Variants in EPHA5 observed in about 807,000 individuals in gnomAD.
The protein encoded by EPHA5 is ephrin type-A receptor 5.
Under a neutral mutation model 105.0 loss-of-function variants are expected in EPHA5, and 60 were observed. The observed-to-expected ratio is 0.57, with a 90% CI of 0.46 to 0.71. EPHA5 has a LOEUF of 0.71. Ranked by LOEUF, EPHA5 falls within the 30% of genes least tolerant of loss-of-function variation. The probability of loss-of-function intolerance (pLI) is 0.00; values close to 1 mark genes in which losing one functional copy is unlikely to be tolerated. For synonymous variants in EPHA5, 513 were observed against 449.1 expected, an observed-to-expected ratio of 1.14 and a Z score of -1.80; for missense variants, 1,218 against 1,274.7, an observed-to-expected ratio of 0.96 and a Z score of 0.68.
intron 3 of EPHA5, among the ~76,000 whole-genome samples, chr4:65,555,702 G>C (rs1017014150): frequency 2.7e-5 from 4 of 150,292 alleles, no homozygotes; most frequent in African/African-American, 7.6e-5. Context: ...ATTGTGACAA[G>C]TGACAGTAAT....
intron 16 of EPHA5, chr4:65,331,498 AT>A: frequency 9.5e-7 from 1 of 1,052,058 alleles, no homozygotes; most frequent in Non-Finnish European, 1.1e-6. Context: ...TAGAAATTAA[AT>A]GAGATCCTGC....
At chr4:65,611,749 A>G (rs1055755587) in intron 2 of EPHA5, among the ~76,000 whole-genome samples, 6 of 151,628 alleles carry the variant, frequency 4.0e-5, no homozygotes, top group African/African-American at 1.5e-4. Context: ...TCTTGTAATC[A>G]GTGGCTATTC....
At chr4:65,592,507 AAAAAAACAAAAAG>A (rs945002223) in intron 3 of EPHA5, among the ~76,000 whole-genome samples, 2 of 152,026 alleles carry the variant, frequency 1.3e-5, no homozygotes, top group African/African-American at 4.8e-5. Flanking sequence ...TCCGAGTTAA[AAAAAAACAAAAAG>A]AAAAAAGAAA....
rs1470401868 is a variant in EPHA5 at position 65,322,557 on chromosome 4, G to A, written c.*1557C>T. ...TACAAAAATGTTGGTTATCTCAGGA[G>A]CTCAGTTTTGGACAATTTCTAATAC... On this transcript the variant is annotated 3_prime_UTR_variant, in exon 17 of 17. Transcript: ENST00000613740. 4.5e-6 allele frequency: 1 copy of A among 224,498 alleles called. No homozygotes were observed. Among genetic ancestry groups the A allele is most frequent in the Non-Finnish European group, 8.9e-6 (1 of 112,648 alleles). The allele number at this position is 224,498 out of a possible 1,614,324, so 13.9% of individuals were successfully genotyped here.
intron 4 of EPHA5, 62 bp downstream of exon 4, chr4:65,495,326 T>A (rs750836672): frequency 6.6e-7 from 1 of 1,520,764 alleles, no homozygotes; most frequent in Non-Finnish European, 9.0e-7. Context: ...ACAGGCTCCA[T>A]CATGCTGTTT....
chr4:65,509,942 G>A (rs1284401798), intron 3 of EPHA5, among the ~76,000 whole-genome samples: 1 of 152,040 alleles, frequency 6.6e-6, no homozygotes, highest in East Asian at 1.9e-4. Flanking sequence ...GGTGGATCTG[G>A]TAACACAGCT....
intron 2 of EPHA5, among the ~76,000 whole-genome samples, chr4:65,630,150 G>C (rs569902913): frequency 6.6e-6 from 1 of 151,860 alleles, no homozygotes; most frequent in Non-Finnish European, 1.5e-5. Flanking sequence ...CAGGTGGTTA[G>C]TAACTATCTC....
chr4:65,448,262 TA>T (rs201102930), intron 5 of EPHA5, among the ~76,000 whole-genome samples: 43 of 144,332 alleles, frequency 3.0e-4, no homozygotes, highest in East Asian at 8.1e-4. Context: ...TCAAAACAAG[TA>T]AAAAAAAAAG....
At chr4:65,618,626 T>A (rs1323030921) in intron 2 of EPHA5, among the ~76,000 whole-genome samples, 1 of 152,210 alleles carries the variant, frequency 6.6e-6, no homozygotes, top group East Asian at 1.9e-4. Flanking sequence ...CTGACAGAGT[T>A]CATTTCTGCT....
chr4:65,467,066 A>G (rs1300561758), intron 5 of EPHA5, among the ~76,000 whole-genome samples: 3 of 152,178 alleles, frequency 2.0e-5, no homozygotes, highest in Non-Finnish European at 4.4e-5. Flanking sequence ...AATACACAAG[A>G]AAGATGGCAA....
At chr4:65,330,689 T>A (rs948016938) in intron 16 of EPHA5, 32 of 838,176 alleles carry the variant, frequency 3.8e-5, no homozygotes, top group Non-Finnish European at 2.9e-6. Context: ...TACTGAAAAA[T>A]TAAATAGCAA....
Position 65,440,442 on chromosome 4 carries a change from A to G in EPHA5, c.1403-19877T>C, listed in dbSNP as rs538604016. On this transcript the variant is annotated intron_variant, in intron 5 of 16. Coordinates refer to ENST00000613740, the MANE Select transcript of EPHA5 (RefSeq NM_001281766.3). ...GTAATAATCATACAGAAATAGTGAG[A>G]TTAAGGAAAATATGTAAATCTTTTG... Among the ~76,000 whole-genome samples the G allele has an allele frequency of 2.7e-3, 411 of 151,936 alleles. 1 individual carries two copies. Among genetic ancestry groups the G allele is most frequent in the African/African-American group, 9.4e-3 (391 of 41,448 alleles).
intron 3 of EPHA5, among the ~76,000 whole-genome samples, chr4:65,509,540 AT>A (rs1733394224): frequency 6.6e-6 from 1 of 152,162 alleles, no homozygotes; most frequent in African/African-American, 2.4e-5. Context: ...CAGTGTCCTG[AT>A]TTTGTAAGAT....
At chr4:65,630,047 C>T (rs567162890) in intron 2 of EPHA5, among the ~76,000 whole-genome samples, 16 of 143,262 alleles carry the variant, frequency 1.1e-4, no homozygotes, top group Admixed American at 9.7e-4. Flanking sequence ...CAGAAGAAGC[C>T]TCCCTCTACA....
At chr4:65,609,738 C>A (rs1213852588) in intron 2 of EPHA5, among the ~76,000 whole-genome samples, 1 of 149,380 alleles carries the variant, frequency 6.7e-6, no homozygotes, top group Non-Finnish European at 1.5e-5. Context: ...AGTGCAGAAG[C>A]AATAAATGGA....
At chr4:65,514,961 T>C (rs1560631768) in intron 3 of EPHA5, among the ~76,000 whole-genome samples, 1 of 152,154 alleles carries the variant, frequency 6.6e-6, no homozygotes, top group Non-Finnish European at 1.5e-5. Flanking sequence ...ATAATTCCTA[T>C]AATCAAATCA....
chr4:65,374,149 A>C (rs368444222), intron 8 of EPHA5, among the ~76,000 whole-genome samples: 139 of 152,076 alleles, frequency 9.1e-4, no homozygotes, highest in African/African-American at 3.3e-3. Context: ...AAGTTGGTTG[A>C]GATGACAATA....
intron 3 of EPHA5, among the ~76,000 whole-genome samples, chr4:65,583,306 A>G (rs1741819434): frequency 1.3e-5 from 2 of 151,730 alleles, no homozygotes; most frequent in Non-Finnish European, 3.0e-5. Flanking sequence ...AGAGAAAATT[A>G]ATTTAAAAGT....
At chr4:65,593,378 C>G (rs985472949) in intron 3 of EPHA5, among the ~76,000 whole-genome samples, 1 of 152,092 alleles carries the variant, frequency 6.6e-6, no homozygotes, top group Non-Finnish European at 1.5e-5. Context: ...TATATACTAA[C>G]ACGGTCCTAA....
Sources: allele counts gnomAD v4.1 joint callset (sites outside exome capture counted in the v4.1 genomes callset), GRCh38; gene constraint gnomAD v4.1.1; transcripts MANE v1.5; gene names NCBI Gene and HGNC (gene_info 2026-07-23, HGNC 2026-07-21).